Variants in MYH14 observed in about 807,000 individuals in gnomAD.
The protein encoded by MYH14 is myosin heavy chain 14.
Under a neutral mutation model 255.5 loss-of-function variants are expected in MYH14, and 123 were observed. The ratio of observed to expected loss-of-function variants is 0.48; its 90% confidence interval spans 0.42 to 0.56. The LOEUF (loss-of-function observed/expected upper bound fraction) is 0.56, where lower values mean the gene tolerates loss of function less well. Among genes scored for constraint, MYH14 ranks in the 20% least tolerant of loss-of-function variants. The probability of loss-of-function intolerance (pLI) is 0.00; values close to 1 mark genes in which losing one functional copy is unlikely to be tolerated. For missense variants in MYH14, 2,423 were observed against 2,802.3 expected, an observed-to-expected ratio of 0.86 and a Z score of 3.06; for synonymous variants, 1,095 against 1,161.2, an observed-to-expected ratio of 0.94 and a Z score of 1.16.
At position 50,249,836 on chromosome 19, in the gene MYH14, C is replaced by A. The variant is rs1292298391; in HGVS notation, c.1656+13C>A. 6.2e-7 allele frequency: 1 copy of A among 1,613,610 alleles called. No individual in the cohort carries two copies. The highest frequency in any genetic ancestry group is 1.3e-5 in the African/African-American group (1 of 74,936). ...CATCGAGCGGCCGGTGAGCCCCAGG[C>A]CCCTCCCAGCCCACACTCACGGTTC... is the stretch of plus-strand genomic sequence containing the variant. On this transcript the variant is annotated intron_variant, in intron 14 of 42. Coordinates refer to ENST00000642316, the MANE Select transcript of MYH14 (RefSeq NM_001145809.2).
At chr19:50,238,311 A>G (rs2033749113) in intron 10 of MYH14, among the ~76,000 whole-genome samples, 1 of 152,222 alleles carries the variant, frequency 6.6e-6, no homozygotes, top group Non-Finnish European at 1.5e-5. Context: ...CAACTGCAAG[A>G]GGCCATTTTA....
At chr19:50,300,949 GT>G (rs2036459312) in intron 39 of MYH14, among the ~76,000 whole-genome samples, 1 of 143,828 alleles carries the variant, frequency 7.0e-6, no homozygotes, top group South Asian at 2.3e-4. Flanking sequence ...AGTTTTTTAA[GT>G]TAAAAAAAAA....
intron 39 of MYH14, among the ~76,000 whole-genome samples, chr19:50,298,389 AACAC>A (rs377376324): frequency 0.042 from 4,307 of 102,658 alleles, 182 homozygotes; most frequent in African/African-American, 0.11. Flanking sequence ...CACACACACA[AACAC>A]ACACACATAC....
At chr19:50,267,236 C>G (rs1262634853) in intron 23 of MYH14, among the ~76,000 whole-genome samples, 2 of 150,822 alleles carry the variant, frequency 1.3e-5, no homozygotes, top group Non-Finnish European at 3.0e-5. Context: ...GGGGGTGTAG[C>G]CAGGGTATGG....
chr19:50,220,507 CAT>C (rs754841473), intron 3 of MYH14, among the ~76,000 whole-genome samples: 2 of 150,746 alleles, frequency 1.3e-5, no homozygotes, highest in South Asian at 2.1e-4. Flanking sequence ...AATAGTATAA[CAT>C]ATTAAATTAA....
At chr19:50,233,650 C>T (rs2033515618) in intron 10 of MYH14, among the ~76,000 whole-genome samples, 1 of 152,066 alleles carries the variant, frequency 6.6e-6, no homozygotes, top group South Asian at 2.1e-4. Context: ...GGTGGTTCAT[C>T]CCGGGAGAAT....
intron 22 of MYH14, 48 bp downstream of exon 22, chr19:50,263,468 T>A (rs1408761094): frequency 7.2e-7 from 1 of 1,393,426 alleles, no homozygotes; most frequent in African/African-American, 1.4e-5. Flanking sequence ...GGATAGGGCC[T>A]TGGGGCTTGG....
At chr19:50,243,104 T>C (rs2033953040) in intron 10 of MYH14, among the ~76,000 whole-genome samples, 1 of 152,076 alleles carries the variant, frequency 6.6e-6, no homozygotes, top group South Asian at 2.1e-4. Flanking sequence ...GTCAGTAGTA[T>C]ATTAAATAAG....
chr19:50,262,462 C>T (rs2034918327), intron 21 of MYH14, among the ~76,000 whole-genome samples: 1 of 151,186 alleles, frequency 6.6e-6, no homozygotes, highest in African/African-American at 2.4e-5. Flanking sequence ...GGCTTGAACT[C>T]GGGAAGCAGA....
Position 50,230,573 on chromosome 19 carries a change from G to T in MYH14, c.923G>T (p.Ser308Ile). The T allele has an allele frequency of 6.4e-7, 1 of 1,572,418 alleles. No homozygotes were observed. ...ATCCGCCAGGCCAAGGACGAGTGCA[G>T]CTTCCACATCTTCTACCAGCTGCTG... The part of the protein sequence containing the change: ...RAIRQAKDEC[S>I]FHIFYQLLGG... The change falls in exon 9 of 43, where the codon AGC becomes ATC. Residue 308 changes from serine (S) to isoleucine (I), a missense_variant. Coordinates refer to ENST00000642316, the MANE Select transcript of MYH14 (RefSeq NM_001145809.2). This position sits in a 1 kb window ranked among gnomAD's most constrained non-coding sequence, Gnocchi z 4.7.
chr19:50,233,704 T>G (rs192453380), intron 10 of MYH14, among the ~76,000 whole-genome samples: 1 of 152,184 alleles, frequency 6.6e-6, no homozygotes, highest in Non-Finnish European at 1.5e-5. Context: ...TTTCTGGCAA[T>G]CTTCGGCGTT....
intron 10 of MYH14, among the ~76,000 whole-genome samples, chr19:50,242,444 G>A (rs780343530): frequency 1.3e-5 from 2 of 152,146 alleles, no homozygotes. Context: ...AAGACAGAAT[G>A]AGAGCCAAGC....
At chr19:50,267,080 G>T in intron 23 of MYH14, 72 bp downstream of exon 23, 2 of 1,402,404 alleles carry the variant, frequency 1.4e-6, no homozygotes, top group Non-Finnish European at 1.9e-6. Flanking sequence ...GGAGCCAGGT[G>T]TGAGGGGCGG....
chr19:50,284,412 G>T (rs144779699), intron 33 of MYH14, among the ~76,000 whole-genome samples: 3,622 of 152,210 alleles, frequency 0.024, 62 homozygotes, highest in Non-Finnish European at 0.036. Flanking sequence ...TGTTGCCCGG[G>T]CTGGAGTGCA....
At chr19:50,308,171 G>A (rs1184815548) in intron 41 of MYH14, 2 of 152,208 alleles carry the variant, frequency 1.3e-5, no homozygotes, top group African/African-American at 2.4e-5. Flanking sequence ...TACCTGAAGG[G>A]TGAAAAAGAG....
At chr19:50,247,845 T>C (rs1317328196) in intron 12 of MYH14, among the ~76,000 whole-genome samples, 6 of 151,652 alleles carry the variant, frequency 4.0e-5, no homozygotes, top group African/African-American at 1.5e-4. Context: ...GCGGACAGAT[T>C]GAGCTCAGGA....
Position 50,293,871 on chromosome 19 carries a change from C to T in MYH14, c.5469+184C>T, listed in dbSNP as rs1324940288. 6.6e-6 allele frequency among the ~76,000 whole-genome samples: 1 copy of T among 152,104 alleles called. No individual in the cohort carries two copies. The highest frequency in any genetic ancestry group is 1.5e-5 in the Non-Finnish European group (1 of 68,024). On this transcript the variant is annotated intron_variant, in intron 39 of 42. Coordinates refer to ENST00000642316, the MANE Select transcript of MYH14 (RefSeq NM_001145809.2). The surrounding 1 kb of genome is among the most constrained non-coding windows in gnomAD (Gnocchi z 4.1). ...GTATTTCTGAGGGGTTTCTTCAGGG[C>T]TAAATCCAAAGATGAATTATGTGGG...
chr19:50,290,376 A>T (rs1380282716), intron 35 of MYH14, among the ~76,000 whole-genome samples: 4 of 151,978 alleles, frequency 2.6e-5, no homozygotes, highest in African/African-American at 9.7e-5. Context: ...GGAACTTCCC[A>T]TGTCTCCCCT....
In MYH14 at chr19:50,290,012, A is replaced by C. The variant is rs150656527; in HGVS notation, c.4965+364A>C. Among the ~76,000 whole-genome samples, 254 of 151,782 alleles carry C rather than the reference A, an allele frequency of 1.7e-3. 2 individuals are homozygous for C. The highest frequency in any genetic ancestry group is 5.7e-3 in the African/African-American group (236 of 41,384). ...GTACCCAATCATACATCCTCCATCC[A>C]CCACACAAACCATTCACCCATCCAT... On this transcript the variant is annotated intron_variant, in intron 35 of 42. Transcript: ENST00000642316.
Sources: allele counts gnomAD v4.1 joint callset (sites outside exome capture counted in the v4.1 genomes callset), GRCh38; gene constraint gnomAD v4.1.1; non-coding constraint Gnocchi (gnomAD v3.1); transcripts MANE v1.5; gene names NCBI Gene and HGNC (gene_info 2026-07-23, HGNC 2026-07-21).